The following FSTL4 variants were observed in gnomAD, a reference collection of about 807,000 sequenced individuals.
FSTL4 encodes follistatin-related protein 4.
A neutral mutation model predicts 78.2 loss-of-function variants in FSTL4; 28 were observed. That is an observed-to-expected ratio of 0.36 (90% CI 0.27 to 0.49). The LOEUF (loss-of-function observed/expected upper bound fraction) is 0.49, where lower values mean the gene tolerates loss of function less well. Ranked by LOEUF, FSTL4 falls within the 20% of genes least tolerant of loss-of-function variation. FSTL4 has a pLI of 0.98. For synonymous variants in FSTL4, 422 were observed against 440.5 expected, an observed-to-expected ratio of 0.96 and a Z score of 0.53; for missense variants, 922 against 1,084.9, an observed-to-expected ratio of 0.85 and a Z score of 2.11.
intron 3 of FSTL4, among the ~76,000 whole-genome samples, chr5:133,467,141 T>C (rs562542621): frequency 6.6e-6 from 1 of 151,852 alleles, no homozygotes; most frequent in African/African-American, 2.4e-5. Context: ...TGTGTGTGTA[T>C]ATGTGTATGT....
intron 7 of FSTL4, among the ~76,000 whole-genome samples, chr5:133,243,240 A>C (rs1751930992): frequency 6.6e-6 from 1 of 152,190 alleles, no homozygotes; most frequent in South Asian, 2.1e-4. Flanking sequence ...TTCAGTGAAA[A>C]AAAAACCCAA....
intron 3 of FSTL4, among the ~76,000 whole-genome samples, chr5:133,548,946 A>T (rs938116325): frequency 2.6e-5 from 4 of 152,200 alleles, no homozygotes; most frequent in Admixed American, 1.3e-4. Context: ...AGATATTCCA[A>T]TGCTTTCTGA....
At chr5:133,369,282 C>G (rs777471157) in intron 4 of FSTL4, among the ~76,000 whole-genome samples, 5 of 152,208 alleles carry the variant, frequency 3.3e-5, no homozygotes, top group Non-Finnish European at 7.3e-5. Flanking sequence ...GCCAATTACA[C>G]AAGTTGTTAC....
At chr5:133,688,184 G>A in the FSTL4 span, among the ~76,000 whole-genome samples, 6 of 152,234 alleles carry the variant, frequency 3.9e-5, no homozygotes, top group East Asian at 7.7e-4. Flanking sequence ...CGAGGCAGGC[G>A]GATCACTTGA....
intron 13 of FSTL4, among the ~76,000 whole-genome samples, chr5:133,211,817 T>C (rs978632492): frequency 1.3e-5 from 2 of 152,168 alleles, no homozygotes; most frequent in African/African-American, 4.8e-5. Context: ...TAACCCTCTA[T>C]ACTCTGATGA....
At chr5:133,824,737 T>C in the FSTL4 span, among the ~76,000 whole-genome samples, 1 of 152,124 alleles carries the variant, frequency 6.6e-6, no homozygotes, top group African/African-American at 2.4e-5. Flanking sequence ...TGGCTTTTCC[T>C]GCCCAAAGCA....
chr5:133,688,629 A>G, the FSTL4 span, among the ~76,000 whole-genome samples: 2 of 152,252 alleles, frequency 1.3e-5, no homozygotes, highest in South Asian at 4.1e-4. Flanking sequence ...TTCTGTAGAC[A>G]GAGCTCACAC....
chr5:133,395,438 A>C (rs1756000090), intron 4 of FSTL4, among the ~76,000 whole-genome samples: 3 of 152,176 alleles, frequency 2.0e-5, no homozygotes, highest in Admixed American at 1.3e-4. Context: ...AACACGTCCA[A>C]ACATCAGAAG....
At chr5:133,766,883 A>G in the FSTL4 span, among the ~76,000 whole-genome samples, 12 of 152,358 alleles carry the variant, frequency 7.9e-5, no homozygotes, top group Admixed American at 5.2e-4. Flanking sequence ...TGCTTCCCAC[A>G]TGAGGCCACC....
At chr5:133,573,192 C>T (rs1432883597) in intron 2 of FSTL4, among the ~76,000 whole-genome samples, 2 of 151,750 alleles carry the variant, frequency 1.3e-5, no homozygotes, top group African/African-American at 4.8e-5. Context: ...TGTAGTAAGC[C>T]CAGATTGCGC....
intron 4 of FSTL4, among the ~76,000 whole-genome samples, chr5:133,335,719 A>G (rs1004452602): frequency 6.6e-6 from 1 of 150,736 alleles, no homozygotes; most frequent in African/African-American, 2.4e-5. Context: ...TCTGCACTTG[A>G]CTTTCAACAT....
At chr5:133,837,513 G>A in the FSTL4 span, among the ~76,000 whole-genome samples, 1 of 152,172 alleles carries the variant, frequency 6.6e-6, no homozygotes, top group African/African-American at 2.4e-5. Context: ...GGATGATGTG[G>A]CCTCATTCAA....
At chr5:133,362,329 G>A (rs2126935563) in intron 4 of FSTL4, among the ~76,000 whole-genome samples, 1 of 152,226 alleles carries the variant, frequency 6.6e-6, no homozygotes, top group South Asian at 2.1e-4. Context: ...GTGTGGAAGT[G>A]GATTACATTG....
the FSTL4 span, among the ~76,000 whole-genome samples, chr5:133,743,255 G>A: frequency 6.6e-6 from 1 of 152,176 alleles, no homozygotes; most frequent in Non-Finnish European, 1.5e-5. Flanking sequence ...AGGTCTTAAG[G>A]TGTATTAACG....
chr5:133,421,242 G>A (rs1756689017), intron 3 of FSTL4, among the ~76,000 whole-genome samples: 1 of 152,220 alleles, frequency 6.6e-6, no homozygotes, highest in South Asian at 2.1e-4. Flanking sequence ...GCATACAGTG[G>A]GCCTCTTGCT....
At chr5:133,718,743 A>G in the FSTL4 span, among the ~76,000 whole-genome samples, 3 of 152,220 alleles carry the variant, frequency 2.0e-5, no homozygotes, top group Admixed American at 6.5e-5. Flanking sequence ...TTGGATTTCT[A>G]TGTGACAGCC....
intron 4 of FSTL4, chr5:133,387,728 C>A (rs1315494161): frequency 1.3e-5 from 2 of 152,210 alleles, no homozygotes; most frequent in African/African-American, 4.8e-5. Flanking sequence ...GGCTTCATCA[C>A]ACAAGGAAGA....
chr5:133,263,492 C>G (rs965400703), intron 6 of FSTL4, among the ~76,000 whole-genome samples: 1 of 151,902 alleles, frequency 6.6e-6, no homozygotes, highest in Non-Finnish European at 1.5e-5. Flanking sequence ...TCACTTGTGC[C>G]CAGTGTGGCC....
intron 3 of FSTL4, among the ~76,000 whole-genome samples, chr5:133,517,819 C>G (rs918921835): frequency 3.3e-5 from 5 of 151,956 alleles, no homozygotes; most frequent in Non-Finnish European, 5.9e-5. Flanking sequence ...CAGAAAAGAG[C>G]TGATGTTACC....
Sources: allele counts gnomAD v4.1 joint callset (sites outside exome capture counted in the v4.1 genomes callset), GRCh38; gene constraint gnomAD v4.1.1; transcripts MANE v1.5; gene names NCBI Gene and HGNC (gene_info 2026-07-23, HGNC 2026-07-21).